Variants in EIF2AK2 observed in about 807,000 individuals in gnomAD.
EIF2AK2 encodes the protein interferon-induced, double-stranded RNA-activated protein kinase.
A neutral mutation model predicts 70.5 loss-of-function variants in EIF2AK2; 40 were observed. That is an observed-to-expected ratio of 0.57 (90% CI 0.44 to 0.74). The LOEUF (loss-of-function observed/expected upper bound fraction) is 0.74, where lower values mean the gene tolerates loss of function less well. EIF2AK2 is among the 30% of genes least tolerant of loss of function. The pLI is 0.00. For synonymous variants in EIF2AK2, 198 were observed against 220.9 expected (o/e 0.90, Z 0.92); for missense variants, 555 against 644.3 (o/e 0.86, Z 1.50).
intron 9 of EIF2AK2, 69 bp from the exon 10 acceptor site, chr2:37,135,615 T>C (rs954931737): frequency 5.0e-6 from 7 of 1,412,312 alleles, no homozygotes; most frequent in African/African-American, 1.4e-5. Context: ...TTAGTGTTAA[T>C]GTTAACCTTT....
In EIF2AK2 at chr2:37,109,511, T is replaced by G. The variant is rs1423185913; in HGVS notation, c.1378-216A>C. On this transcript the variant is annotated intron_variant, in intron 14 of 16. Transcript: ENST00000233057. ...ATTAACGATCAACATGGGAATAATC[T>G]CAGTTATAAAACAAGGATAACAACA... The G allele has an allele frequency of 5.8e-5, 28 of 483,294 alleles. 1 individual carries two copies. The highest frequency in any genetic ancestry group is 8.6e-5 in the Non-Finnish European group (23 of 268,490). 29.9% of individuals were successfully genotyped at this position (483,294 alleles called of 1,614,324 possible). A position where few individuals can be genotyped will look rare whatever the true frequency, so the allele number is the denominator to read the frequency against.
intron 14 of EIF2AK2, among the ~76,000 whole-genome samples, chr2:37,110,775 C>A (rs1674116324): frequency 6.6e-6 from 1 of 151,874 alleles, no homozygotes. Context: ...AAAATAAAAG[C>A]AATCAACCCA....
At chr2:37,109,106 C>A (rs1171381921) in intron 15 of EIF2AK2, 88 bp downstream of exon 15, 2 of 1,153,230 alleles carry the variant, frequency 1.7e-6, no homozygotes, top group Non-Finnish European at 2.5e-6. Flanking sequence ...CCCATCCTCA[C>A]GTGAGGGCAA....
intron 13 of EIF2AK2, among the ~76,000 whole-genome samples, chr2:37,117,175 T>C (rs1211781029): frequency 7.1e-6 from 1 of 141,838 alleles, no homozygotes; most frequent in Non-Finnish European, 1.5e-5. Flanking sequence ...ATCACTCCAC[T>C]GCACTCCAGC....
chr2:37,116,983 G>A (rs765983607), intron 13 of EIF2AK2, among the ~76,000 whole-genome samples: 7 of 152,050 alleles, frequency 4.6e-5, no homozygotes, highest in Non-Finnish European at 7.4e-5. Context: ...AGGCTGAAGC[G>A]GGCAGACAGC....
Position 37,146,846 on chromosome 2 carries a change from C to G in EIF2AK2, c.240+7G>C, listed in dbSNP as rs1253283063. On this transcript the variant is annotated splice_region_variant and intron_variant, in intron 4 of 16. Coordinates refer to ENST00000233057, the MANE Select transcript of EIF2AK2 (RefSeq NM_001135651.3). ...CCCATTTATTAGGAAAAAAGGCAAT[C>G]ACTCACCTTCTTTTCCTTATTAAGT... The G allele has an allele frequency of 3.1e-6, 5 of 1,604,456 alleles. No homozygotes were observed. Among genetic ancestry groups the G allele is most frequent in the Non-Finnish European group, 3.4e-6 (4 of 1,177,536 alleles).
intron 14 of EIF2AK2, 73 bp from the exon 15 acceptor site, chr2:37,109,368 A>C: frequency 7.3e-7 from 1 of 1,363,374 alleles, no homozygotes; most frequent in Non-Finnish European, 1.0e-6. Flanking sequence ...AGCCCAAAAA[A>C]GTTATTTGAC....
At chr2:37,120,909 A>G (rs1674521040) in intron 12 of EIF2AK2, among the ~76,000 whole-genome samples, 1 of 147,786 alleles carries the variant, frequency 6.8e-6, no homozygotes, top group Non-Finnish European at 1.5e-5. Context: ...GATTGCAGTA[A>G]GCTGAGATCA....
chr2:37,151,164 C>T (rs1675727497), intron 1 of EIF2AK2, among the ~76,000 whole-genome samples: 1 of 152,020 alleles, frequency 6.6e-6, no homozygotes, highest in South Asian at 2.1e-4. Context: ...AAATGACAAT[C>T]TACAGAATAG....
chr2:37,143,677 A>T (rs1197580461), intron 4 of EIF2AK2, among the ~76,000 whole-genome samples: 1 of 152,018 alleles, frequency 6.6e-6, no homozygotes, highest in Non-Finnish European at 1.5e-5. Context: ...TGAGTCCAGG[A>T]GTTCAAGACC....
At chr2:37,143,283 A>G (rs1342581064) in intron 4 of EIF2AK2, among the ~76,000 whole-genome samples, 1 of 150,886 alleles carries the variant, frequency 6.6e-6, no homozygotes, top group African/African-American at 2.4e-5. Flanking sequence ...TCCTGTATCT[A>G]TTAAGTTGTT....
rs772035707 is a variant in EIF2AK2 at position 37,114,818 on chromosome 2, A to G, written c.1290T>C (p.Ile430=). 1 of 1,597,750 alleles carries G rather than the reference A, an allele frequency of 6.3e-7. No homozygotes were observed. The highest frequency in any genetic ancestry group is 8.5e-7 in the Non-Finnish European group (1 of 1,172,632). The change falls in exon 14 of 17, where the codon ATT becomes ATC. Residue 430 remains isoleucine (I), a synonymous_variant. Transcript: ENST00000233057. ...GAGATGTTACAAGTCCAAAGTCTCC[A>G]ATCTTTACTTGTTTTGTATCTACTA... ...IFLVDTKQVK[I]GDFGLVTSLK...
rs370401701 is a variant in EIF2AK2, at chr2:37,109,435, G to A, written c.1378-140C>T. Reference sequence around the variant, plus strand: ...TTTATTAGCAAAATCTGTGGAGTCTGACTGCCTAGGTTCAAATCTGTACCG... The same window carrying A: ...TTTATTAGCAAAATCTGTGGAGTCTAACTGCCTAGGTTCAAATCTGTACCG... On this transcript the variant is annotated intron_variant, in intron 14 of 16. Coordinates refer to ENST00000233057, the MANE Select transcript of EIF2AK2 (RefSeq NM_001135651.3). The A allele has an allele frequency of 6.1e-6, 4 of 650,450 alleles. No homozygotes were observed. In the East Asian group the frequency reaches 8.5e-5, roughly 14 times the overall value. The allele number at this position is 650,450 out of a possible 1,614,324, so 40.3% of individuals were successfully genotyped here.
rs765838490 is a variant in EIF2AK2 at position 37,135,485 on chromosome 2, T to G, written c.784A>C (p.Arg262=). The G allele has an allele frequency of 1.9e-6, 3 of 1,603,554 alleles. No homozygotes were observed. In the South Asian group the frequency reaches 3.4e-5, roughly 18 times the overall value. The part of the protein sequence containing the change: ...MKETKYTVDK[R]FGMDFKEIEL... ...TTTCTTCAGCACTTAAAATCTTACC[T>G]CTTGTCCACAGTATACTTTGTTTCT... Residue 262 remains arginine, a splice_region_variant and synonymous_variant, in exon 10 of 17, where the codon AGG becomes CGG. Coordinates refer to ENST00000233057, the MANE Select transcript of EIF2AK2 (RefSeq NM_001135651.3).
intron 8 of EIF2AK2, among the ~76,000 whole-genome samples, chr2:37,137,453 C>CA (rs1046061885): frequency 3.3e-5 from 5 of 152,082 alleles, no homozygotes; most frequent in African/African-American, 7.2e-5. Flanking sequence ...CTTATGTGCA[C>CA]AAAAAAATTG....
At chr2:37,154,684 C>G (rs967450424) in intron 1 of EIF2AK2, among the ~76,000 whole-genome samples, 1 of 152,090 alleles carries the variant, frequency 6.6e-6, no homozygotes, top group African/African-American at 2.4e-5. Flanking sequence ...CCTCAGCATT[C>G]CGAGTAGCTG....
At chr2:37,111,669 C>T (rs1428977336) in intron 14 of EIF2AK2, among the ~76,000 whole-genome samples, 1 of 149,902 alleles carries the variant, frequency 6.7e-6, no homozygotes, top group Non-Finnish European at 1.5e-5. Flanking sequence ...GCCTAGGCAA[C>T]ATGGTGAAAC....
At chr2:37,154,927 C>A (rs72790617) in intron 1 of EIF2AK2, among the ~76,000 whole-genome samples, 1,961 of 117,452 alleles carry the variant, frequency 0.017, 15 homozygotes, top group Non-Finnish European at 0.027. Flanking sequence ...TCTTCAACTT[C>A]TTTTCTTCTA....
At chr2:37,136,481 AC>A (rs1177573219) in intron 9 of EIF2AK2, among the ~76,000 whole-genome samples, 1 of 152,162 alleles carries the variant, frequency 6.6e-6, no homozygotes, top group Non-Finnish European at 1.5e-5. Context: ...CACATCAAGA[AC>A]CATGTTTCTT....
Sources: allele counts gnomAD v4.1 joint callset (sites outside exome capture counted in the v4.1 genomes callset), GRCh38; gene constraint gnomAD v4.1.1; transcripts MANE v1.5; gene names NCBI Gene and HGNC (gene_info 2026-07-23, HGNC 2026-07-21).